Variants in CPPED1 observed in about 807,000 individuals in gnomAD.
The protein encoded by CPPED1 is calcineurin like phosphoesterase domain containing 1, also known as serine/threonine-protein phosphatase CPPED1.
CPPED1 carries 28 observed loss-of-function variants against 28.0 expected under a neutral mutation model. That is an observed-to-expected ratio of 1.00 (90% CI 0.74 to 1.37). CPPED1 has a LOEUF of 1.37. CPPED1 is among the 40% of genes most tolerant of loss of function. The probability of loss-of-function intolerance (pLI) is 0.00; values close to 1 mark genes in which losing one functional copy is unlikely to be tolerated. For missense variants in CPPED1, 504 were observed against 416.5 expected (o/e 1.21, Z -1.83); for synonymous variants, 198 against 180.2 (o/e 1.10, Z -0.79).
intron 2 of CPPED1, among the ~76,000 whole-genome samples, chr16:12,707,047 C>G (rs933205427): frequency 2.0e-5 from 3 of 152,174 alleles, no homozygotes; most frequent in Admixed American, 1.3e-4. Flanking sequence ...CGAACCCGGA[C>G]TGCAGGCATC....
intron 3 of CPPED1, among the ~76,000 whole-genome samples, chr16:12,672,432 T>A (rs2079857201): frequency 6.6e-6 from 1 of 152,226 alleles, no homozygotes; most frequent in Non-Finnish European, 1.5e-5. Context: ...ATTATGCGCA[T>A]TTTTTAAAAA....
In CPPED1 at chr16:12,709,430, G is replaced by A. The variant is rs2080068531; in HGVS notation, c.290-4381C>T. On this transcript the variant is annotated intron_variant, in intron 2 of 3. Coordinates refer to ENST00000381774, the MANE Select transcript of CPPED1 (RefSeq NM_018340.3). This position sits in a 1 kb window ranked among gnomAD's most constrained non-coding sequence, Gnocchi z 4.4. ...CCCCCACGGAGAGGAGCCCTGGGTG[G>A]GAATGGCGAGAGCAGTGTAGAAAGC... Among the ~76,000 whole-genome samples, 1 of 152,114 alleles carries A rather than the reference G, an allele frequency of 6.6e-6. No homozygotes were observed. Among genetic ancestry groups the A allele is most frequent in the African/African-American group, 2.4e-5 (1 of 41,416 alleles).
chr16:12,663,862 G>A lies in CPPED1; in HGVS notation c.*1024C>T, dbSNP rs1258967694. 1 of 152,210 alleles carries A rather than the reference G, an allele frequency of 6.6e-6. No homozygotes were observed. The highest frequency in any genetic ancestry group is 2.4e-5 in the African/African-American group (1 of 41,444). 9.4% of individuals were successfully genotyped at this position (152,210 alleles called of 1,614,324 possible). A position where few individuals can be genotyped will look rare whatever the true frequency, so the allele number is the denominator to read the frequency against. On this transcript the variant is annotated 3_prime_UTR_variant, in exon 4 of 4. Transcript: ENST00000381774. ...GCTGCTGAGAAGATGCGGTAAAACA[G>A]GTTACATAAAAAACAATGCTGGTTT...
intron 3 of CPPED1, among the ~76,000 whole-genome samples, chr16:12,681,095 C>G (rs1409421926): frequency 6.6e-6 from 1 of 152,054 alleles, no homozygotes; most frequent in Non-Finnish European, 1.5e-5. Context: ...GAAGAGATTT[C>G]TTTGCTTTAA....
chr16:12,802,855 G>C (rs1417993065), intron 1 of CPPED1, among the ~76,000 whole-genome samples: 1 of 152,214 alleles, frequency 6.6e-6, no homozygotes, highest in Non-Finnish European at 1.5e-5. Flanking sequence ...GGGCAAGAGA[G>C]AGAATGACAA....
intron 3 of CPPED1, among the ~76,000 whole-genome samples, chr16:12,684,402 G>T (rs1015950357): frequency 2.0e-5 from 3 of 151,972 alleles, no homozygotes; most frequent in Non-Finnish European, 4.4e-5. Flanking sequence ...AAAATTTGAG[G>T]GTTCTCCATC....
At chr16:12,694,278 C>G (rs1329601299) in intron 3 of CPPED1, among the ~76,000 whole-genome samples, 2 of 152,180 alleles carry the variant, frequency 1.3e-5, no homozygotes, top group Non-Finnish European at 2.9e-5. Flanking sequence ...GAAGAAACTT[C>G]TCTGTTTTGT....
intron 3 of CPPED1, among the ~76,000 whole-genome samples, chr16:12,680,722 G>C (rs2079900439): frequency 6.6e-6 from 1 of 152,136 alleles, no homozygotes; most frequent in Non-Finnish European, 1.5e-5. Flanking sequence ...AAGCCAAGCA[G>C]CTCTGCCCCT....
intron 2 of CPPED1, among the ~76,000 whole-genome samples, chr16:12,739,777 G>A (rs955031578): frequency 6.6e-6 from 1 of 152,170 alleles, no homozygotes; most frequent in Non-Finnish European, 1.5e-5. Context: ...GACATGAGGA[G>A]AAATTGGCTG....
chr16:12,728,394 T>G (rs1004007970), intron 2 of CPPED1, among the ~76,000 whole-genome samples: 1 of 152,138 alleles, frequency 6.6e-6, no homozygotes, highest in Non-Finnish European at 1.5e-5. Flanking sequence ...TAGGATAACA[T>G]ATCCCTGATA....
At chr16:12,776,682 A>G (rs1056546285) in intron 2 of CPPED1, among the ~76,000 whole-genome samples, 10 of 152,090 alleles carry the variant, frequency 6.6e-5, no homozygotes, top group African/African-American at 1.9e-4. Flanking sequence ...GCACTTTGGG[A>G]GGCTGAGGCA....
At chr16:12,786,060 T>C (rs959800709) in intron 1 of CPPED1, among the ~76,000 whole-genome samples, 4 of 152,134 alleles carry the variant, frequency 2.6e-5, no homozygotes, top group African/African-American at 7.2e-5. Flanking sequence ...CGAGGAGAAC[T>C]AGCCTGGCAA....
At chr16:12,680,139 T>C (rs2079897476) in intron 3 of CPPED1, among the ~76,000 whole-genome samples, 1 of 152,204 alleles carries the variant, frequency 6.6e-6, no homozygotes, top group Non-Finnish European at 1.5e-5. Context: ...GAAGGTAATG[T>C]CTGCTTCCTA....
intron 3 of CPPED1, among the ~76,000 whole-genome samples, chr16:12,696,570 T>C (rs2079991961): frequency 6.6e-6 from 1 of 150,776 alleles, no homozygotes; most frequent in South Asian, 2.1e-4. Flanking sequence ...GCCTCCTGAG[T>C]AGCTGGGATT....
At chr16:12,774,867 G>T (rs1198100910) in intron 2 of CPPED1, among the ~76,000 whole-genome samples, 2 of 152,114 alleles carry the variant, frequency 1.3e-5, no homozygotes, top group Non-Finnish European at 2.9e-5. Context: ...TGTCACCCAG[G>T]CTGGAGTGCA....
chr16:12,727,260 C>A (rs1439314096), intron 2 of CPPED1, among the ~76,000 whole-genome samples: 1 of 151,952 alleles, frequency 6.6e-6, no homozygotes, highest in African/African-American at 2.4e-5. Context: ...TGGCTGGTGG[C>A]GACAGGGAAA....
chr16:12,744,982 T>C (rs1469671201), intron 2 of CPPED1, among the ~76,000 whole-genome samples: 1 of 152,118 alleles, frequency 6.6e-6, no homozygotes, highest in Non-Finnish European at 1.5e-5. Flanking sequence ...AGCCAGACCT[T>C]GTCTCAAAAA....
intron 2 of CPPED1, among the ~76,000 whole-genome samples, chr16:12,752,625 T>C (rs1308990975): frequency 6.8e-6 from 1 of 147,442 alleles, no homozygotes; most frequent in Non-Finnish European, 1.5e-5. Flanking sequence ...TATATATTTA[T>C]ATTATATATT....
At chr16:12,768,955 T>TCA (rs976549845) in intron 2 of CPPED1, among the ~76,000 whole-genome samples, 13 of 148,580 alleles carry the variant, frequency 8.7e-5, no homozygotes. Context: ...AACCTCCACC[T>TCA]CCTGGGTTCA....
Sources: gnomAD v4.1 joint callset for allele counts (sites outside exome capture counted in the v4.1 genomes callset) on GRCh38, gnomAD v4.1.1 for gene constraint, Gnocchi (gnomAD v3.1) non-coding constraint, MANE v1.5 for transcripts, NCBI Gene and HGNC (gene_info 2026-07-23, HGNC 2026-07-21) for gene names.